The following COTL1 variants were observed in gnomAD, a reference collection of about 807,000 sequenced individuals.
The protein encoded by COTL1 is coactosin like F-actin binding protein 1.
A neutral mutation model predicts 16.5 loss-of-function variants in COTL1; 15 were observed. The observed-to-expected ratio is 0.91, with a 90% confidence interval of 0.61 to 1.40. The LOEUF is 1.40. Ranked by LOEUF, COTL1 falls within the 40% of genes most tolerant of loss-of-function variation. The probability of loss-of-function intolerance (pLI) is 0.00; values close to 1 mark genes in which losing one functional copy is unlikely to be tolerated. For missense variants in COTL1, 220 were observed against 201.5 expected (o/e 1.09, Z -0.56); for synonymous variants, 112 against 85.3 (o/e 1.31, Z -1.73).
At chr16:84,579,982 C>T (rs920389538) in intron 3 of COTL1, among the ~76,000 whole-genome samples, 6 of 152,222 alleles carry the variant, frequency 3.9e-5, no homozygotes, top group Non-Finnish European at 7.3e-5. Context: ...TGCATCCTCA[C>T]GGCACAGCGA....
At chr16:84,593,527 T>TTC (rs10665662) in intron 2 of COTL1, among the ~76,000 whole-genome samples, 28,851 of 150,640 alleles carry the variant, frequency 0.19, 2,775 homozygotes, top group Admixed American at 0.23. Flanking sequence ...TTTTTTTTTT[T>TTC]TGAGAAGGGA....
At chr16:84,603,389 C>A (rs1905141239) in intron 2 of COTL1, among the ~76,000 whole-genome samples, 1 of 132,366 alleles carries the variant, frequency 7.6e-6, no homozygotes, top group Middle Eastern at 3.8e-3. Flanking sequence ...AGTGAACACA[C>A]TGGAAACCCG....
chr16:84,569,893 C>G (rs186930171), intron 3 of COTL1, among the ~76,000 whole-genome samples: 4 of 152,358 alleles, frequency 2.6e-5, no homozygotes, highest in Non-Finnish European at 5.9e-5. Context: ...CAAAGTTCCT[C>G]TGCTTTGTGA....
At chr16:84,568,306 T>C (rs1256478617) in intron 3 of COTL1, 2 of 152,222 alleles carry the variant, frequency 1.3e-5, no homozygotes, top group Admixed American at 1.3e-4. Flanking sequence ...CTAACCACAA[T>C]TATTAAGCAC....
rs905106302 is a variant in COTL1, at chr16:84,590,399, T to C, written c.161-137A>G. On this transcript the variant is annotated intron_variant, in intron 2 of 3. Coordinates refer to ENST00000262428, the MANE Select transcript of COTL1 (RefSeq NM_021149.5). The surrounding 1 kb of genome is among the most constrained non-coding windows in gnomAD (Gnocchi z 5.5). ...CCGGTGCAGTTCCCTGGGAGCACCA[T>C]GTGCAGAGGACAGGAGGGAAGCACT... 72 of 942,550 alleles carry C rather than the reference T, an allele frequency of 7.6e-5. No individual in the cohort carries two copies. Among genetic ancestry groups the C allele is most frequent in the Non-Finnish European group, 1.0e-4 (65 of 636,494 alleles). 58.4% of individuals were successfully genotyped at this position (942,550 alleles called of 1,614,324 possible). A position where few individuals can be genotyped will look rare whatever the true frequency, so the allele number is the denominator to read the frequency against.
intron 2 of COTL1, among the ~76,000 whole-genome samples, chr16:84,597,221 G>A (rs1416536326): frequency 2.0e-5 from 3 of 152,198 alleles, no homozygotes; most frequent in African/African-American, 7.2e-5. Context: ...AGACAGTGAA[G>A]GTCTGAGAGG....
chr16:84,590,170 T>C lies in COTL1; in HGVS notation c.253A>G (p.Asn85Asp). 1.2e-6 allele frequency: 2 copies of C among 1,614,172 alleles called. No individual in the cohort carries two copies. Among genetic ancestry groups the C allele is most frequent in the Non-Finnish European group, 1.7e-6 (2 of 1,180,006 alleles). Residue 85 changes from asparagine (N) to aspartate (D), a missense_variant, in exon 3 of 4, where the codon AAC (asparagine) becomes GAC (aspartate). Coordinates refer to ENST00000262428, the MANE Select transcript of COTL1 (RefSeq NM_021149.5). This position sits in a 1 kb window ranked among gnomAD's most constrained non-coding sequence, Gnocchi z 5.5. ...KFALITWIGENVSGLQRAKTG... is the reference protein window; with the variant it reads ...KFALITWIGEDVSGLQRAKTG... ...TTGGCGCGCTGCAGCCCGCTGACGT[T>C]CTCACCGATCCACGTGATGAGGGCA...
At chr16:84,580,449 C>G (rs1193574025) in intron 3 of COTL1, among the ~76,000 whole-genome samples, 1 of 152,144 alleles carries the variant, frequency 6.6e-6, no homozygotes, top group African/African-American at 2.4e-5. Context: ...CAGGGTCTCA[C>G]TATATTGCCC....
chr16:84,609,579 C>G (rs1384713583), intron 2 of COTL1, among the ~76,000 whole-genome samples: 2 of 152,200 alleles, frequency 1.3e-5, no homozygotes, highest in East Asian at 1.9e-4. Context: ...ACCTTAAGGG[C>G]CTCTTCCTCT....
At chr16:84,605,698 G>T (rs550033224) in intron 2 of COTL1, among the ~76,000 whole-genome samples, 2 of 152,330 alleles carry the variant, frequency 1.3e-5, no homozygotes, top group South Asian at 4.1e-4. Flanking sequence ...AGCACAAGAA[G>T]GCAAGAAAAT....
intron 2 of COTL1, among the ~76,000 whole-genome samples, chr16:84,603,420 T>C (rs1262145122): frequency 6.6e-6 from 1 of 152,022 alleles, no homozygotes; most frequent in Non-Finnish European, 1.5e-5. Flanking sequence ...CAACACGGCG[T>C]CACAGCTCTG....
At chr16:84,617,626 C>A in intron 1 of COTL1, 43 bp from the exon 2 acceptor site, 1 of 1,534,258 alleles carries the variant, frequency 6.5e-7, no homozygotes. Flanking sequence ...CACATCAGCG[C>A]TGGTGGCCGC....
At chr16:84,591,341 A>G (rs149224991) in intron 2 of COTL1, among the ~76,000 whole-genome samples, 29,760 of 150,768 alleles carry the variant, frequency 0.2, 3,171 homozygotes, top group African/African-American at 0.29. Flanking sequence ...CCACCACCAC[A>G]CCTGGCTAAT....
chr16:84,593,661 G>GC (rs567155802), intron 2 of COTL1, among the ~76,000 whole-genome samples: 4 of 152,090 alleles, frequency 2.6e-5, no homozygotes, highest in African/African-American at 9.6e-5. Context: ...ACAGGCGCCC[G>GC]CCACCACGCC....
intron 2 of COTL1, among the ~76,000 whole-genome samples, chr16:84,612,152 C>G (rs555615193): frequency 6.6e-6 from 1 of 152,276 alleles, no homozygotes; most frequent in South Asian, 2.1e-4. Flanking sequence ...CTCACTATGT[C>G]CCAAGCAGCA....
At chr16:84,615,385 T>C (rs1905447178) in intron 2 of COTL1, among the ~76,000 whole-genome samples, 1 of 152,178 alleles carries the variant, frequency 6.6e-6, no homozygotes. Flanking sequence ...GGAAGTGTTC[T>C]CCCACTACAC....
At chr16:84,586,977 C>A (rs759310731) in intron 3 of COTL1, among the ~76,000 whole-genome samples, 1 of 152,180 alleles carries the variant, frequency 6.6e-6, no homozygotes, top group Non-Finnish European at 1.5e-5. Context: ...TCCTGGCGAG[C>A]CCCCTCCCTC....
At chr16:84,609,276 G>C (rs1392874614) in intron 2 of COTL1, among the ~76,000 whole-genome samples, 4 of 152,120 alleles carry the variant, frequency 2.6e-5, no homozygotes, top group African/African-American at 7.2e-5. Flanking sequence ...CCCTTCTTTT[G>C]GTCGCTATAC....
Position 84,573,540 on chromosome 16 carries a change from C to T in COTL1, c.319-6585G>A, listed in dbSNP as rs538744403. Among the ~76,000 whole-genome samples, 10 of 152,162 alleles carry T rather than the reference C, an allele frequency of 6.6e-5. No individual in the cohort carries two copies. The South Asian group carries it at 1.2e-3, about 19-fold the overall frequency. On this transcript the variant is annotated intron_variant, in intron 3 of 3. Transcript: ENST00000262428. ...GCTCATGCCCAGCACTTTGGGAGGC[C>T]GAGGTGAGTGGATCACCTGAGGTCA...
Sources: gnomAD v4.1 joint callset for allele counts (sites outside exome capture counted in the v4.1 genomes callset) on GRCh38, gnomAD v4.1.1 for gene constraint, Gnocchi (gnomAD v3.1) non-coding constraint, MANE v1.5 for transcripts, NCBI Gene and HGNC (gene_info 2026-07-23, HGNC 2026-07-21) for gene names.